The following CDK5RAP2 variants were observed in gnomAD, a reference collection of about 807,000 sequenced individuals.
CDK5RAP2 encodes the protein CDK5 regulatory subunit associated protein 2, also known as CDK5 regulatory subunit-associated protein 2.
In CDK5RAP2, 147 loss-of-function variants were observed where a neutral mutation model predicts 232.9. The ratio of observed to expected loss-of-function variants is 0.63; its 90% CI spans 0.55 to 0.72. The LOEUF (loss-of-function observed/expected upper bound fraction) is 0.72. Among genes scored for constraint, CDK5RAP2 ranks in the 30% least tolerant of loss-of-function variants. The pLI, the probability that CDK5RAP2 is intolerant of heterozygous loss-of-function variation, is 0.00. For missense variants in CDK5RAP2, 2,195 were observed against 2,231.5 expected, an observed-to-expected ratio of 0.98 and a Z score of 0.33; for synonymous variants, 833 against 833.7, an observed-to-expected ratio of 1.00 and a Z score of 0.01.
At chr9:120,498,251 T>C (rs1427790055) in intron 12 of CDK5RAP2, among the ~76,000 whole-genome samples, 1 of 152,178 alleles carries the variant, frequency 6.6e-6, no homozygotes, top group African/African-American at 2.4e-5. Context: ...AGTGCCACTT[T>C]CTCTCTCAAA....
At chr9:120,546,155 T>A (rs899648821) in intron 4 of CDK5RAP2, among the ~76,000 whole-genome samples, 1 of 152,144 alleles carries the variant, frequency 6.6e-6, no homozygotes, top group African/African-American at 2.4e-5. Flanking sequence ...TTTTTCCCAT[T>A]CCAAAGCAAT....
chr9:120,446,020 T>G (rs2036168081), intron 22 of CDK5RAP2, among the ~76,000 whole-genome samples: 1 of 152,120 alleles, frequency 6.6e-6, no homozygotes, highest in African/African-American at 2.4e-5. Flanking sequence ...AAGGTTCATA[T>G]CCAAAGTGAT....
At chr9:120,451,003 A>G (rs1456869900) in intron 21 of CDK5RAP2, among the ~76,000 whole-genome samples, 1 of 152,242 alleles carries the variant, frequency 6.6e-6, no homozygotes, top group Admixed American at 6.5e-5. Flanking sequence ...GGGCTGGAAA[A>G]TAACAATCAT....
At chr9:120,542,327 A>G (rs2041667485) in intron 5 of CDK5RAP2, among the ~76,000 whole-genome samples, 1 of 152,164 alleles carries the variant, frequency 6.6e-6, no homozygotes, top group Non-Finnish European at 1.5e-5. Context: ...CAACATGGTG[A>G]AACCCTGTCT....
chr9:120,411,984 ACTG>A (rs1207487930), intron 28 of CDK5RAP2, among the ~76,000 whole-genome samples: 5 of 152,126 alleles, frequency 3.3e-5, no homozygotes, highest in Admixed American at 3.3e-4. Flanking sequence ...AGCAATCATG[ACTG>A]CTGCTGCTTC....
intron 17 of CDK5RAP2, 53 bp downstream of exon 17, chr9:120,470,058 C>T: frequency 1.1e-6 from 1 of 927,744 alleles, no homozygotes; most frequent in South Asian, 1.4e-5. Context: ...CAAGATACAA[C>T]AAACAATCTA....
rs781737791 is a variant in CDK5RAP2, at chr9:120,471,716, C to A, written c.1858+32G>T. 7 of 1,613,680 alleles carry A rather than the reference C, an allele frequency of 4.3e-6. No individual in the cohort carries two copies. The Admixed American group carries it at 1.2e-4, about 27-fold the overall frequency. Reference sequence around the variant, plus strand: ...AGTCCATGCCCTCCAAGTGGAAAAACCAAAGAGAAGCACATAGAATAAAGT... The same window carrying A: ...AGTCCATGCCCTCCAAGTGGAAAAAACAAAGAGAAGCACATAGAATAAAGT... On this transcript the variant is annotated intron_variant, in intron 16 of 37. Coordinates refer to ENST00000349780, the MANE Select transcript of CDK5RAP2 (RefSeq NM_018249.6).
chr9:120,517,893 C>A, intron 12 of CDK5RAP2: 3 of 327,936 alleles, frequency 9.1e-6, no homozygotes, highest in South Asian at 2.6e-5. Flanking sequence ...GACCCTGTCT[C>A]AAAAAAAACA....
chr9:120,518,919 G>A (rs1463861344), intron 11 of CDK5RAP2, among the ~76,000 whole-genome samples: 1 of 152,156 alleles, frequency 6.6e-6, no homozygotes, highest in African/African-American at 2.4e-5. Flanking sequence ...GCTCACACCT[G>A]TAATCCCAGC....
intron 14 of CDK5RAP2, among the ~76,000 whole-genome samples, chr9:120,486,329 C>G (rs1696561780): frequency 6.6e-6 from 1 of 151,586 alleles, no homozygotes; most frequent in African/African-American, 2.4e-5. Flanking sequence ...ACAATCAGAG[C>G]CATTCATCAG....
rs371348064 is a variant in CDK5RAP2, at chr9:120,471,540, T to C, written c.1858+208A>G. On this transcript the variant is annotated intron_variant, in intron 16 of 37. Coordinates refer to ENST00000349780, the MANE Select transcript of CDK5RAP2 (RefSeq NM_018249.6). ...AGTAGAGGCAGCAAGGAAGCAATCCTGCACCTGACCTTCTGCAGAATTTAG... is the reference window on the plus strand; with the variant it reads ...AGTAGAGGCAGCAAGGAAGCAATCCCGCACCTGACCTTCTGCAGAATTTAG... Among the ~76,000 whole-genome samples the C allele has an allele frequency of 8.9e-4, 135 of 152,336 alleles. 1 individual carries two copies. In the South Asian group the frequency reaches 0.014, roughly 16 times the overall value.
At chr9:120,534,586 T>C (rs1427553759) in intron 7 of CDK5RAP2, among the ~76,000 whole-genome samples, 1 of 152,190 alleles carries the variant, frequency 6.6e-6, no homozygotes, top group Non-Finnish European at 1.5e-5. Flanking sequence ...GCTCAGGTGA[T>C]ATTTTTTGAA....
chr9:120,415,093 G>A lies in CDK5RAP2; in HGVS notation c.4244C>T (p.Thr1415Ile), dbSNP rs2034130124. The change falls in exon 28 of 38, where the codon ACA becomes ATA. Residue 1415 changes from threonine to isoleucine, a missense_variant. By Grantham distance (89) the Thr-to-Ile change is moderately conservative. Transcript: ENST00000349780. The part of the protein sequence containing the change: ...LRKRLEESIK[T>I]NEKLRKQLER... ...CAACTGTTTCCGTAGCTTCTCATTT[G>A]TTTTAATAGATTCTTCTAAACGCTT... 1 of 1,613,982 alleles carries A rather than the reference G, an allele frequency of 6.2e-7. No homozygotes were observed. The highest frequency in any genetic ancestry group is 1.1e-5 in the South Asian group (1 of 91,088).
chr9:120,468,510 A>C (rs1385408347), intron 17 of CDK5RAP2, among the ~76,000 whole-genome samples: 1 of 152,240 alleles, frequency 6.6e-6, no homozygotes, highest in Non-Finnish European at 1.5e-5. Flanking sequence ...GTCAATTATG[A>C]AGCAATTTAC....
At chr9:120,564,861 T>C (rs1292148226) in intron 3 of CDK5RAP2, among the ~76,000 whole-genome samples, 1 of 152,176 alleles carries the variant, frequency 6.6e-6, no homozygotes. Context: ...GATAGCAGTG[T>C]CCAGAACAAC....
At chr9:120,569,644 G>T (rs1381883594) in intron 2 of CDK5RAP2, among the ~76,000 whole-genome samples, 1 of 152,210 alleles carries the variant, frequency 6.6e-6, no homozygotes, top group Non-Finnish European at 1.5e-5. Flanking sequence ...AGGACTGGAG[G>T]TGAGAGAGGT....
intron 12 of CDK5RAP2, among the ~76,000 whole-genome samples, chr9:120,496,436 G>A (rs1588485831): frequency 3.0e-5 from 4 of 134,782 alleles, no homozygotes; most frequent in East Asian, 4.7e-4. Context: ...GGTGAGGGGC[G>A]CCTCTGCCCG....
At chr9:120,407,329 C>T (rs2033525506) in intron 31 of CDK5RAP2, 81 bp from the exon 32 acceptor site, 3 of 979,364 alleles carry the variant, frequency 3.1e-6, no homozygotes, top group Admixed American at 1.7e-5. Flanking sequence ...TCGCATTTTA[C>T]ACTCACCACC....
At chr9:120,473,684 G>T (rs1468793605) in intron 15 of CDK5RAP2, among the ~76,000 whole-genome samples, 1 of 152,194 alleles carries the variant, frequency 6.6e-6, no homozygotes, top group East Asian at 1.9e-4. Context: ...TGATCAATTT[G>T]TAAGGCTGAT....
Sources: allele counts gnomAD v4.1 joint callset (sites outside exome capture counted in the v4.1 genomes callset), GRCh38; gene constraint gnomAD v4.1.1; transcripts MANE v1.5; gene names NCBI Gene and HGNC (gene_info 2026-07-23, HGNC 2026-07-21).